Variants in SORCS2 observed in about 807,000 individuals in gnomAD.
SORCS2 encodes the protein sortilin related VPS10 domain containing receptor 2.
Under a neutral mutation model 141.6 loss-of-function variants are expected in SORCS2, and 100 were observed. The ratio of observed to expected loss-of-function variants is 0.71; its 90% confidence interval spans 0.60 to 0.83. SORCS2 has a LOEUF of 0.83. SORCS2 is among the 40% of genes least tolerant of loss of function. The probability of loss-of-function intolerance (pLI) is 0.00; values close to 1 mark genes in which losing one functional copy is unlikely to be tolerated. For missense variants in SORCS2, 1,646 were observed against 1,560.2 expected (o/e 1.05, Z -0.93); for synonymous variants, 789 against 676.9 (o/e 1.17, Z -2.57).
chr4:7,198,886 G>A (rs181463284), intron 1 of SORCS2, among the ~76,000 whole-genome samples: 201 of 152,280 alleles, frequency 1.3e-3, no homozygotes, highest in African/African-American at 4.6e-3. Flanking sequence ...AGGCTCGCAC[G>A]GTGACCCAGG....
intron 2 of SORCS2, among the ~76,000 whole-genome samples, chr4:7,469,476 G>A (rs1197268484): frequency 6.6e-6 from 1 of 152,238 alleles, no homozygotes; most frequent in Non-Finnish European, 1.5e-5. Flanking sequence ...CTCCCTGGCA[G>A]GTTAAGAGCA....
chr4:7,493,502 G>A (rs574097277), intron 2 of SORCS2, among the ~76,000 whole-genome samples: 17 of 152,290 alleles, frequency 1.1e-4, no homozygotes, highest in South Asian at 4.1e-4. Flanking sequence ...CATCTGAGTC[G>A]CAGTGTTGGA....
intron 1 of SORCS2, among the ~76,000 whole-genome samples, chr4:7,299,457 A>C (rs921295235): frequency 2.0e-5 from 3 of 152,188 alleles, no homozygotes; most frequent in African/African-American, 7.2e-5. Flanking sequence ...CTCGGGGACC[A>C]TCTGGCCTGG....
intron 8 of SORCS2, among the ~76,000 whole-genome samples, chr4:7,670,802 T>G (rs1306279946): frequency 6.6e-6 from 1 of 152,022 alleles, no homozygotes; most frequent in Non-Finnish European, 1.5e-5. Flanking sequence ...TGCACAGAGC[T>G]TGAAGGAGCG....
intron 1 of SORCS2, among the ~76,000 whole-genome samples, chr4:7,273,110 C>T (rs76929772): frequency 1.1e-4 from 16 of 152,226 alleles, no homozygotes; most frequent in Non-Finnish European, 2.1e-4. Flanking sequence ...GGAAGGACTT[C>T]TAGTTTTCAA....
intron 19 of SORCS2, among the ~76,000 whole-genome samples, chr4:7,724,805 GTGATGGTGGTGGTGATGGCAGTGA>G (rs1292357656): frequency 6.8e-6 from 1 of 146,046 alleles, no homozygotes; most frequent in Non-Finnish European, 1.5e-5. Flanking sequence ...GGTGATGGTG[GTGATGGTGGTGGTGATGGCAGTGA>G]TGATGGTGGA....
intron 2 of SORCS2, among the ~76,000 whole-genome samples, chr4:7,480,561 G>A (rs979663700): frequency 2.6e-5 from 4 of 152,254 alleles, no homozygotes; most frequent in Non-Finnish European, 4.4e-5. Flanking sequence ...AGGGGACCCA[G>A]CCCTCGCTCC....
intron 1 of SORCS2, among the ~76,000 whole-genome samples, chr4:7,264,860 G>A (rs775048715): frequency 3.7e-4 from 56 of 152,346 alleles, no homozygotes; most frequent in South Asian, 4.1e-4. Flanking sequence ...AGAGGCCCCC[G>A]GCGATGTCCA....
At chr4:7,407,708 A>G (rs1165525875) in intron 2 of SORCS2, among the ~76,000 whole-genome samples, 4 of 152,052 alleles carry the variant, frequency 2.6e-5, no homozygotes, top group Admixed American at 6.5e-5. Context: ...AGGACTTACT[A>G]TTGCCATTTT....
In SORCS2 at chr4:7,607,571, C is replaced by T. The variant is rs541046898; in HGVS notation, c.649-30757C>T. 1.5e-4 allele frequency among the ~76,000 whole-genome samples: 23 copies of T among 152,306 alleles called. No individual in the cohort carries two copies. The South Asian group carries it at 4.6e-3, about 30-fold the overall frequency. ...AGCCCTGAGTGTCAATAATTAATAA[C>T]AATTTTGTCCACCTCACAGACAAGA... On this transcript the variant is annotated intron_variant, in intron 3 of 26. Coordinates refer to ENST00000507866, the MANE Select transcript of SORCS2 (RefSeq NM_020777.3).
chr4:7,281,636 C>T (rs1176307231), intron 1 of SORCS2, among the ~76,000 whole-genome samples: 5 of 152,320 alleles, frequency 3.3e-5, no homozygotes, highest in Non-Finnish European at 4.4e-5. Flanking sequence ...GGTGAAACTG[C>T]GAGCCTCCAT....
intron 1 of SORCS2, among the ~76,000 whole-genome samples, chr4:7,251,357 C>T (rs1306584677): frequency 6.6e-6 from 1 of 152,142 alleles, no homozygotes; most frequent in Non-Finnish European, 1.5e-5. Flanking sequence ...TAAATTAAAA[C>T]AAATATACAT....
chr4:7,332,065 G>A (rs774895495), intron 1 of SORCS2, among the ~76,000 whole-genome samples: 1 of 152,206 alleles, frequency 6.6e-6, no homozygotes, highest in Non-Finnish European at 1.5e-5. Flanking sequence ...GGCCAGTCAT[G>A]GCTCAGAGGA....
At chr4:7,421,464 G>C (rs1302246092) in intron 2 of SORCS2, among the ~76,000 whole-genome samples, 1 of 152,190 alleles carries the variant, frequency 6.6e-6, no homozygotes, top group Non-Finnish European at 1.5e-5. Context: ...GCTGGGTTGC[G>C]GGGTCCAGTG....
chr4:7,416,444 T>A (rs1046315313), intron 2 of SORCS2, among the ~76,000 whole-genome samples: 5 of 152,126 alleles, frequency 3.3e-5, no homozygotes, highest in African/African-American at 1.2e-4. Context: ...ATTCTCCCAC[T>A]CCCACTGATG....
intron 3 of SORCS2, among the ~76,000 whole-genome samples, chr4:7,592,535 G>GGGGGA (rs1716989156): frequency 6.6e-6 from 1 of 152,210 alleles, no homozygotes; most frequent in Non-Finnish European, 1.5e-5. Flanking sequence ...CCAGTGCCAC[G>GGGGGA]GGGGAGTCAG....
In SORCS2 at chr4:7,640,054, A is replaced by T. The variant is rs28972550; in HGVS notation, c.813+1562A>T. Among the ~76,000 whole-genome samples, 19 of 77,140 alleles carry T rather than the reference A, an allele frequency of 2.5e-4. No homozygotes were observed. In the East Asian group the frequency reaches 0.049, roughly 198 times the overall value. The allele number at this position is 77,140 out of a possible 152,430, so 50.6% of individuals were successfully genotyped here. The stretch of plus-strand genomic sequence containing the variant: ...GTGAGTGTGCATGTGTGAGAGTGTG[A>T]GTGTGTGTGTTTATGAGTGTGAAAC... On this transcript the variant is annotated intron_variant, in intron 4 of 26. Coordinates refer to ENST00000507866, the MANE Select transcript of SORCS2 (RefSeq NM_020777.3).
intron 2 of SORCS2, among the ~76,000 whole-genome samples, chr4:7,406,799 T>C (rs999289213): frequency 6.6e-6 from 1 of 151,942 alleles, no homozygotes; most frequent in Non-Finnish European, 1.5e-5. Flanking sequence ...AGTTCCTTGA[T>C]TTTTTAAAGT....
At chr4:7,628,222 C>T (rs1037559759) in intron 3 of SORCS2, among the ~76,000 whole-genome samples, 16 of 152,134 alleles carry the variant, frequency 1.1e-4, no homozygotes, top group Non-Finnish European at 2.2e-4. Context: ...ACGCCACCTC[C>T]ATTAAATGTT....
Sources: allele counts gnomAD v4.1 joint callset (sites outside exome capture counted in the v4.1 genomes callset), GRCh38; gene constraint gnomAD v4.1.1; transcripts MANE v1.5; gene names NCBI Gene and HGNC (gene_info 2026-07-23, HGNC 2026-07-21).